METTL4: variants seen among roughly 807,000 people sequenced by gnomAD.
METTL4 encodes methyltransferase 4, N6-adenosine.
Under a neutral mutation model 54.0 loss-of-function variants are expected in METTL4, and 40 were observed. The observed-to-expected ratio is 0.74, with a 90% CI of 0.58 to 0.96. The LOEUF (loss-of-function observed/expected upper bound fraction) is 0.96. Ranked by LOEUF, METTL4 falls within the 50% of genes least tolerant of loss-of-function variation. The pLI, the probability that METTL4 is intolerant of heterozygous loss-of-function variation, is 0.00. For missense variants in METTL4, 525 were observed against 549.0 expected (o/e 0.96, Z 0.44); for synonymous variants, 169 against 183.8 (o/e 0.92, Z 0.65).
chr18:2,538,129 A>T lies in METTL4; in HGVS notation c.*871T>A, dbSNP rs1467573745. 2 of 390,912 alleles carry T rather than the reference A, an allele frequency of 5.1e-6. No individual in the cohort carries two copies. Among genetic ancestry groups the T allele is most frequent in the Non-Finnish European group, 9.0e-6 (2 of 221,988 alleles). 24.2% of individuals were successfully genotyped at this position (390,912 alleles called of 1,614,324 possible). On this transcript the variant is annotated 3_prime_UTR_variant, in exon 9 of 9. Coordinates refer to ENST00000574538, the MANE Select transcript of METTL4 (RefSeq NM_022840.5). The stretch of plus-strand genomic sequence containing the variant: ...TGCATTTCAAAGAATCATTTCAGTC[A>T]AAATATTTTACTTGGTAGACAAATA...
At chr18:2,566,734 A>G in intron 2 of METTL4, 87 bp downstream of exon 2, 1 of 1,107,274 alleles carries the variant, frequency 9.0e-7, no homozygotes, top group Non-Finnish European at 1.2e-6. Context: ...TTTATACTTA[A>G]CGAATCACCA....
Position 2,566,732 on chromosome 18 carries a change from T to C in METTL4, c.396+89A>G, listed in dbSNP as rs147980876. 4.1e-4 allele frequency: 449 copies of C among 1,091,696 alleles called. No individual in the cohort carries two copies. In the African/African-American group the frequency reaches 6.6e-3, roughly 16 times the overall value. The allele number at this position is 1,091,696 out of a possible 1,614,324, so 67.6% of individuals were successfully genotyped here. Reference sequence around the variant, plus strand: ...GGTTTTACTGATTCTTCTTTATACTTAACGAATCACCAGATATTTAAGACA... The same window carrying C: ...GGTTTTACTGATTCTTCTTTATACTCAACGAATCACCAGATATTTAAGACA... On this transcript the variant is annotated intron_variant, in intron 2 of 8. Coordinates refer to ENST00000574538, the MANE Select transcript of METTL4 (RefSeq NM_022840.5).
intron 2 of METTL4, among the ~76,000 whole-genome samples, chr18:2,565,313 A>G (rs2072390299): frequency 6.6e-6 from 1 of 152,094 alleles, no homozygotes; most frequent in Non-Finnish European, 1.5e-5. Context: ...ATGAACACAC[A>G]GAGGGGAGCA....
chr18:2,544,461 A>G (rs1358546729), intron 7 of METTL4, among the ~76,000 whole-genome samples, 175 bp from the exon 8 acceptor site: 2 of 151,990 alleles, frequency 1.3e-5, no homozygotes, highest in Non-Finnish European at 2.9e-5. Context: ...TTCATTTTCT[A>G]TAATAATGAC....
chr18:2,543,299 C>G (rs2677881), intron 8 of METTL4, among the ~76,000 whole-genome samples: 64,918 of 151,818 alleles, frequency 0.43, 14,034 homozygotes, highest in Middle Eastern at 0.48. Flanking sequence ...TGAGTGGTAA[C>G]TTGTAGCAGT....
rs774845621 is a variant in METTL4 at position 2,567,514 on chromosome 18, G to C, written c.-298C>G. The C allele has an allele frequency of 4.0e-5, 8 of 201,178 alleles. No individual in the cohort carries two copies. The highest frequency in any genetic ancestry group is 6.0e-5 in the Non-Finnish European group (6 of 99,810). The allele number at this position is 201,178 out of a possible 1,614,324, so 12.5% of individuals were successfully genotyped here. A position where few individuals can be genotyped will look rare whatever the true frequency, so the allele number is the denominator to read the frequency against. Reference sequence around the variant, plus strand: ...ATTTGGCCAAAGGGGGTTAAAACCTGATCTTATGTCTGGAATCCCAATGTG... The same window carrying C: ...ATTTGGCCAAAGGGGGTTAAAACCTCATCTTATGTCTGGAATCCCAATGTG... On this transcript the variant is annotated 5_prime_UTR_variant, in exon 2 of 9. The change creates a new upstream start codon in the 5' untranslated region. Coordinates refer to ENST00000574538, the MANE Select transcript of METTL4 (RefSeq NM_022840.5).
rs2071946253 is a variant in METTL4 at position 2,538,715 on chromosome 18, G to A, written c.*285C>T. 1 of 342,928 alleles carries A rather than the reference G, an allele frequency of 2.9e-6. No homozygotes were observed. The highest frequency in any genetic ancestry group is 5.3e-6 in the Non-Finnish European group (1 of 187,316). 21.2% of individuals were successfully genotyped at this position (342,928 alleles called of 1,614,324 possible). ...ATAGGATTAAGACCTCTGGTCCACG[G>A]TGTATGTTTTCTGAACTTTTTCAAT... On this transcript the variant is annotated 3_prime_UTR_variant, in exon 9 of 9. Transcript: ENST00000574538.
At chr18:2,541,407 G>C (rs1165651286) in intron 8 of METTL4, among the ~76,000 whole-genome samples, 2 of 152,192 alleles carry the variant, frequency 1.3e-5, no homozygotes, top group Non-Finnish European at 2.9e-5. Flanking sequence ...AGGAGTAAGA[G>C]AGAAGTGGCC....
intron 8 of METTL4, among the ~76,000 whole-genome samples, chr18:2,542,225 C>T (rs961892978): frequency 1.3e-5 from 2 of 151,466 alleles, no homozygotes; most frequent in African/African-American, 2.4e-5. Context: ...TATTATTATA[C>T]TTTAAGTTTT....
Position 2,562,891 on chromosome 18 carries a change from T to G in METTL4, c.459+906A>C, listed in dbSNP as rs538792873. 7.2e-5 allele frequency among the ~76,000 whole-genome samples: 11 copies of G among 152,164 alleles called. No individual in the cohort carries two copies. In the East Asian group the frequency reaches 7.7e-4, roughly 11 times the overall value. ...GAATGTATTTAATGCCGCAGAATTT[T>G]ACACTTAAAAATGGTTAAAAATGGA... On this transcript the variant is annotated intron_variant, in intron 3 of 8. Coordinates refer to ENST00000574538, the MANE Select transcript of METTL4 (RefSeq NM_022840.5).
intron 5 of METTL4, among the ~76,000 whole-genome samples, chr18:2,550,800 T>C (rs1171662033): frequency 6.6e-6 from 1 of 152,226 alleles, no homozygotes; most frequent in African/African-American, 2.4e-5. Flanking sequence ...TTTTATTTGC[T>C]ACAAAGGACA....
At chr18:2,568,171 T>C (rs2072449200) in intron 1 of METTL4, among the ~76,000 whole-genome samples, 1 of 152,236 alleles carries the variant, frequency 6.6e-6, no homozygotes, top group African/African-American at 2.4e-5. Context: ...AGTGAGATTA[T>C]GATGTACATT....
intron 5 of METTL4, among the ~76,000 whole-genome samples, chr18:2,551,412 A>G (rs1479893912): frequency 3.3e-5 from 5 of 152,166 alleles, no homozygotes; most frequent in Non-Finnish European, 4.4e-5. Flanking sequence ...CTTTAAAAGA[A>G]ACAAATCTGG....
At chr18:2,552,803 A>G (rs1160830161) in intron 4 of METTL4, 39 bp from the exon 5 acceptor site, 7 of 1,353,736 alleles carry the variant, frequency 5.2e-6, no homozygotes, top group Non-Finnish European at 7.3e-6. Context: ...TACCTTCTCT[A>G]TGTGATCACT....
chr18:2,570,935 G>A (rs2072494404), intron 1 of METTL4, among the ~76,000 whole-genome samples: 1 of 152,152 alleles, frequency 6.6e-6, no homozygotes, highest in Admixed American at 6.5e-5. Flanking sequence ...ACTGTTGTTA[G>A]TGCACCCCTC....
chr18:2,546,978 T>C (rs961202913), intron 6 of METTL4, among the ~76,000 whole-genome samples: 1 of 152,144 alleles, frequency 6.6e-6, no homozygotes. Flanking sequence ...CAAAGGGTGG[T>C]TGAAACTGTG....
In METTL4 at chr18:2,566,847, C is replaced by T. The variant is rs1567984015; in HGVS notation, c.370G>A (p.Glu124Lys). The change falls in exon 2 of 9, where the codon GAA becomes AAA. Residue 124 changes from glutamate to lysine, a missense_variant. Coordinates refer to ENST00000574538, the MANE Select transcript of METTL4 (RefSeq NM_022840.5). ...KEDLMNGVKKEISISIIGKKR... is the reference protein window; with the variant it reads ...KEDLMNGVKKKISISIIGKKR... ...TTCCCAATAATAGAAATGGAGATTTCTTTTTTAACACCATTCATCAGATCT... is the reference window on the plus strand; with the variant it reads ...TTCCCAATAATAGAAATGGAGATTTTTTTTTTAACACCATTCATCAGATCT... 1 of 1,569,252 alleles carries T rather than the reference C, an allele frequency of 6.4e-7. No homozygotes were observed. The highest frequency in any genetic ancestry group is 1.4e-5 in the African/African-American group (1 of 72,898).
intron 5 of METTL4, among the ~76,000 whole-genome samples, chr18:2,548,831 A>C (rs2072110279): frequency 6.6e-6 from 1 of 151,946 alleles, no homozygotes. Context: ...TCCTCCCTTT[A>C]CCCTTCAACC....
At chr18:2,556,344 T>C (rs906840062) in intron 3 of METTL4, among the ~76,000 whole-genome samples, 2 of 151,814 alleles carry the variant, frequency 1.3e-5, no homozygotes, top group Non-Finnish European at 2.9e-5. Context: ...GCTCTGATCA[T>C]AACTAAATGA....
Sources: gnomAD v4.1 joint callset for allele counts (sites outside exome capture counted in the v4.1 genomes callset) on GRCh38, gnomAD v4.1.1 for gene constraint, MANE v1.5 for transcripts, NCBI Gene and HGNC (gene_info 2026-07-23, HGNC 2026-07-21) for gene names.